The following NBPF12 variants were observed in gnomAD, a reference collection of about 807,000 sequenced individuals.
NBPF12 encodes NBPF member 12.
Under a neutral mutation model 146.4 loss-of-function variants are expected in NBPF12, and 115 were observed. The ratio of observed to expected loss-of-function variants is 0.79; its 90% CI spans 0.68 to 0.92. The LOEUF (loss-of-function observed/expected upper bound fraction) is 0.92, where lower values mean the gene tolerates loss of function less well. Among genes scored for constraint, NBPF12 ranks in the 40% least tolerant of loss-of-function variants. The pLI, the probability that NBPF12 is intolerant of heterozygous loss-of-function variation, is 0.00. For missense variants in NBPF12, 1,205 were observed against 1,326.8 expected, an observed-to-expected ratio of 0.91 and a Z score of 1.43; for synonymous variants, 385 against 508.9, an observed-to-expected ratio of 0.76 and a Z score of 3.28.
chr1:146,960,616 A>G (rs1655788606), intron 4 of NBPF12, among the ~76,000 whole-genome samples: 1 of 151,938 alleles, frequency 6.6e-6, no homozygotes, highest in Non-Finnish European at 1.5e-5. Flanking sequence ...GTTTTCAAGA[A>G]TCCTCTCTGT....
chr1:146,972,981 A>T (rs1553886832), intron 14 of NBPF12, 21 bp downstream of exon 17: 1 of 914,690 alleles, frequency 1.1e-6, no homozygotes, highest in East Asian at 2.4e-5. Context: ...TATGCTCACC[A>T]TCATGAAAGT....
chr1:146,964,371 G>A, exon 7 of NBPF12: 1 of 1,603,000 alleles, frequency 6.2e-7, no homozygotes, highest in Non-Finnish European at 8.5e-7. Flanking sequence ...TGATGAAGAT[G>A]AGGATGAAGA....
chr1:146,984,616 TG>T lies in NBPF12; in HGVS notation c.2667-196del. 2.1e-5 allele frequency among the ~76,000 whole-genome samples: 3 copies of T among 144,578 alleles called. 1 individual carries two copies. The highest frequency in any genetic ancestry group is 5.4e-5 in the African/African-American group (2 of 37,164). 94.8% of individuals were successfully genotyped at this position (144,578 alleles called of 152,430 possible). A position where few individuals can be genotyped will look rare whatever the true frequency, so the allele number is the denominator to read the frequency against. On this transcript the variant is annotated intron_variant, in intron 21 of 33. Transcript: ENST00000617844. Reference sequence around the variant, plus strand: ...GTGTGTGTGTGTGTGTGTGTGTGTGTGTGTGTGTCTTTCTCTTTCATCCTTT... The same window carrying T: ...GTGTGTGTGTGTGTGTGTGTGTGTGTTGTGTGTCTTTCTCTTTCATCCTTT...
chr1:146,992,409 T>C (rs1412779679), intron 31 of NBPF12, among the ~76,000 whole-genome samples: 90 of 140,752 alleles, frequency 6.4e-4, no homozygotes, highest in African/African-American at 2.4e-3. Flanking sequence ...CATCAGTGTG[T>C]CACCTGGACA....
chr1:146,984,495 C>A (rs1657600841), intron 21 of NBPF12, among the ~76,000 whole-genome samples: 2 of 150,556 alleles, frequency 1.3e-5, no homozygotes, highest in South Asian at 4.2e-4. Context: ...TCACTGTTCA[C>A]TGTGTGTCCT....
chr1:146,970,490 GA>G (rs1656527430), intron 11 of NBPF12, among the ~76,000 whole-genome samples, 156 bp from the exon 15 acceptor site: 1 of 151,266 alleles, frequency 6.6e-6, no homozygotes, highest in African/African-American at 2.5e-5. Flanking sequence ...GATGGACCAG[GA>G]AACCATGCCA....
chr1:146,970,089 T>C (rs1656491815), intron 11 of NBPF12, among the ~76,000 whole-genome samples: 1 of 150,342 alleles, frequency 6.7e-6, no homozygotes, highest in African/African-American at 2.5e-5. Context: ...CAAAATGAGA[T>C]GAAGCCCCTC....
chr1:146,956,336 G>T lies in NBPF12; in HGVS notation c.-183-3523G>T, dbSNP rs1655585804. Among the ~76,000 whole-genome samples the T allele has an allele frequency of 2.0e-5, 3 of 152,028 alleles. No homozygotes were observed. In the South Asian group the frequency reaches 6.2e-4, roughly 32 times the overall value. Reference sequence around the variant, plus strand: ...GACCTGAAGTGACAGTGGCTCCTTGGGGCTGAGGGTTGAAAGGCTGATGAA... The same window carrying T: ...GACCTGAAGTGACAGTGGCTCCTTGTGGCTGAGGGTTGAAAGGCTGATGAA... On this transcript the variant is annotated intron_variant, in intron 2 of 33. Coordinates refer to ENST00000617844, the Ensembl canonical transcript of NBPF12.
At chr1:146,966,334 G>C in intron 8 of NBPF12, 130 bp from the exon 12 acceptor site, 1 of 858,364 alleles carries the variant, frequency 1.2e-6, no homozygotes, top group Non-Finnish European at 2.0e-6. Context: ...GAGATGACAA[G>C]AGTGAAACCA....
intron 8 of NBPF12, 82 bp from the exon 12 acceptor site, chr1:146,966,382 A>G: frequency 3.5e-6 from 4 of 1,158,686 alleles, no homozygotes; most frequent in Non-Finnish European, 5.2e-6. Context: ...CAAGGCTGCC[A>G]GTGACATCCC....
At chr1:146,995,574 A>G (rs1293101167) in exon 34 of NBPF12, 2 of 151,734 alleles carry the variant, frequency 1.3e-5, no homozygotes, top group Non-Finnish European at 2.9e-5. Flanking sequence ...ACTTGTTTAT[A>G]GAGGACAGGT....
upstream of NBPF12, among the ~76,000 whole-genome samples, chr1:146,948,773 G>C (rs1213297996): frequency 6.6e-6 from 1 of 151,552 alleles, no homozygotes; most frequent in African/African-American, 2.4e-5. Flanking sequence ...AGGAAGGAAG[G>C]CCTCTTTGCA....
chr1:146,989,139 G>A (rs113648534), intron 27 of NBPF12, among the ~76,000 whole-genome samples, 190 bp downstream of exon 30: 12 of 101,144 alleles, frequency 1.2e-4, no homozygotes, highest in Middle Eastern at 3.9e-3. Context: ...ATTTAGTAAC[G>A]TACCATAGGT....
intron 5 of NBPF12, among the ~76,000 whole-genome samples, chr1:146,962,593 TAGTG>T (rs1250429682): frequency 6.6e-6 from 1 of 151,640 alleles, no homozygotes; most frequent in East Asian, 1.9e-4. Context: ...CACTTACCCT[TAGTG>T]AGAATCACCT....
intron 4 of NBPF12, among the ~76,000 whole-genome samples, chr1:146,960,625 G>C (rs1205688228): frequency 6.6e-6 from 1 of 151,896 alleles, no homozygotes; most frequent in African/African-American, 2.4e-5. Flanking sequence ...AATCCTCTCT[G>C]TACCATATAA....
At chr1:146,972,640 A>T (rs1410321028) in intron 13 of NBPF12, 111 bp from the exon 17 acceptor site, 19 of 979,390 alleles carry the variant, frequency 1.9e-5, no homozygotes, top group Non-Finnish European at 2.6e-5. Context: ...CAGGGAAACA[A>T]CATCTTCAAA....
chr1:146,958,389 T>G (rs1329667746), intron 2 of NBPF12, among the ~76,000 whole-genome samples: 1 of 129,644 alleles, frequency 7.7e-6, no homozygotes, highest in African/African-American at 2.7e-5. Flanking sequence ...GAAATTAACT[T>G]AAGATGTGAA....
At chr1:146,949,915 C>T (rs1655252929) in intron 1 of NBPF12, among the ~76,000 whole-genome samples, 1 of 151,832 alleles carries the variant, frequency 6.6e-6, no homozygotes, top group Non-Finnish European at 1.5e-5. Context: ...TTCATCTTCT[C>T]CAACCAGCCA....
At chr1:146,980,395 G>T (rs1342657019) in intron 19 of NBPF12, among the ~76,000 whole-genome samples, 10 of 152,076 alleles carry the variant, frequency 6.6e-5, no homozygotes, top group Non-Finnish European at 1.3e-4. Flanking sequence ...AGTTGATGCA[G>T]TTTCTTCCTA....
Sources: allele counts gnomAD v4.1 joint callset (sites outside exome capture counted in the v4.1 genomes callset), GRCh38; gene constraint gnomAD v4.1.1; transcripts MANE v1.5; gene names NCBI Gene and HGNC (gene_info 2026-07-23, HGNC 2026-07-21).